The following OSBPL3 variants were observed in gnomAD, a reference collection of about 807,000 sequenced individuals.
OSBPL3 encodes oxysterol binding protein like 3, also known as oxysterol-binding protein-related protein 3.
A neutral mutation model predicts 120.1 loss-of-function variants in OSBPL3; 65 were observed. The ratio of observed to expected loss-of-function variants is 0.54; its 90% CI spans 0.44 to 0.67. OSBPL3 has a LOEUF of 0.67. Among genes scored for constraint, OSBPL3 ranks in the 30% least tolerant of loss-of-function variants. The pLI is 0.00. For synonymous variants in OSBPL3, 416 were observed against 402.6 expected, an observed-to-expected ratio of 1.03 and a Z score of -0.40; for missense variants, 1,004 against 1,082.1, an observed-to-expected ratio of 0.93 and a Z score of 1.01.
chr7:24,890,930 T>C (rs893956870), intron 2 of OSBPL3, among the ~76,000 whole-genome samples: 1 of 152,240 alleles, frequency 6.6e-6, no homozygotes, highest in Admixed American at 6.5e-5. Context: ...GAGAATTTCA[T>C]TGTACTGTTC....
In OSBPL3 at chr7:24,965,927, G is replaced by A. The variant is rs1241011879; in HGVS notation, c.-150+13959C>T. Among the ~76,000 whole-genome samples the A allele has an allele frequency of 6.6e-6, 1 of 152,190 alleles. No individual in the cohort carries two copies. The highest frequency in any genetic ancestry group is 1.9e-4 in the East Asian group (1 of 5,194). On this transcript the variant is annotated intron_variant, in intron 1 of 22. Coordinates refer to ENST00000313367, the MANE Select transcript of OSBPL3 (RefSeq NM_015550.4). The surrounding 1 kb of genome is among the most constrained non-coding windows in gnomAD (Gnocchi z 4.3). Reference sequence around the variant, plus strand: ...TTAGAACCACTTCCCTCAAGGGTGTGTCCCATTCATGTGGCCCCACCCCTC... The same window carrying A: ...TTAGAACCACTTCCCTCAAGGGTGTATCCCATTCATGTGGCCCCACCCCTC...
chr7:24,846,209 T>C (rs1222662600), intron 12 of OSBPL3, among the ~76,000 whole-genome samples: 1 of 152,206 alleles, frequency 6.6e-6, no homozygotes, highest in African/African-American at 2.4e-5. Flanking sequence ...GAGTGTTTTA[T>C]TTTCTGGCTT....
rs188749697 is a variant in OSBPL3, at chr7:24,952,916, C to G, written c.-150+26970G>C. Among the ~76,000 whole-genome samples the G allele has an allele frequency of 2.0e-5, 3 of 152,162 alleles. No homozygotes were observed. In the East Asian group the frequency reaches 5.8e-4, roughly 29 times the overall value. On this transcript the variant is annotated intron_variant, in intron 1 of 22. Transcript: ENST00000313367. This position sits in a 1 kb window ranked among gnomAD's most constrained non-coding sequence, Gnocchi z 4.4. ...TTTAGGGGGCAGAGGTGGTAGGATC[C>G]CTGGAGCCCAGGAGTTCAAGACCAG...
chr7:24,960,391 A>C (rs150806145), intron 1 of OSBPL3, among the ~76,000 whole-genome samples: 15 of 152,350 alleles, frequency 9.8e-5, no homozygotes, highest in Non-Finnish European at 2.1e-4. Flanking sequence ...AATACTTTGG[A>C]GATTAAAAAT....
Position 24,830,345 on chromosome 7 carries a change from T to G in OSBPL3, c.1884+423A>C, listed in dbSNP as rs993354914. On this transcript the variant is annotated intron_variant, in intron 16 of 22. Transcript: ENST00000313367. The surrounding 1 kb of genome is among the most constrained non-coding windows in gnomAD (Gnocchi z 4.4). ...AATGAATAAATACATGAATGAATGA[T>G]TCCTCTCAAATCAAAATTGAGAATA... 4.6e-5 allele frequency among the ~76,000 whole-genome samples: 7 copies of G among 152,168 alleles called. No homozygotes were observed. Among genetic ancestry groups the G allele is most frequent in the African/African-American group, 1.7e-4 (7 of 41,432 alleles).
intron 1 of OSBPL3, among the ~76,000 whole-genome samples, chr7:24,956,578 C>T (rs1815079085): frequency 6.6e-6 from 1 of 152,188 alleles, no homozygotes; most frequent in Non-Finnish European, 1.5e-5. Flanking sequence ...GCACATGAGG[C>T]ATATATACAT....
chr7:24,844,575 T>C (rs1214735852), intron 12 of OSBPL3, among the ~76,000 whole-genome samples: 1 of 152,226 alleles, frequency 6.6e-6, no homozygotes, highest in African/African-American at 2.4e-5. Flanking sequence ...TTCTGACACA[T>C]TTCTTGTGCA....
rs1212427185 is a variant in OSBPL3 at position 24,964,599 on chromosome 7, T to C, written c.-150+15287A>G. Among the ~76,000 whole-genome samples, 1 of 152,112 alleles carries C rather than the reference T, an allele frequency of 6.6e-6. No homozygotes were observed. Among genetic ancestry groups the C allele is most frequent in the Non-Finnish European group, 1.5e-5 (1 of 68,018 alleles). On this transcript the variant is annotated intron_variant, in intron 1 of 22. Coordinates refer to ENST00000313367, the MANE Select transcript of OSBPL3 (RefSeq NM_015550.4). The surrounding 1 kb of genome is among the most constrained non-coding windows in gnomAD (Gnocchi z 4.2). ...CAGCCAAGAGGAATCTAAGGAGACATGGCAACCAAGATAATGTAGAACCCC... is the reference window on the plus strand; with the variant it reads ...CAGCCAAGAGGAATCTAAGGAGACACGGCAACCAAGATAATGTAGAACCCC...
intron 17 of OSBPL3, 99 bp from the exon 18 acceptor site, chr7:24,816,787 C>G: frequency 1.3e-6 from 1 of 789,972 alleles, no homozygotes; most frequent in Non-Finnish European, 2.2e-6. Flanking sequence ...ATAGTACAAC[C>G]TCTTCACAAT....
At chr7:24,906,330 C>T (rs141002739) in intron 1 of OSBPL3, 2,513 of 247,754 alleles carry the variant, frequency 0.01, 17 homozygotes, top group Non-Finnish European at 0.013. Flanking sequence ...AGGCATCATA[C>T]CAGGGCAAAG....
At chr7:24,893,748 C>CG (rs974586291) in intron 1 of OSBPL3, among the ~76,000 whole-genome samples, 23 of 22,582 alleles carry the variant, frequency 1.0e-3, no homozygotes, top group Admixed American at 4.3e-3. Context: ...GGCGGCGGGG[C>CG]GGGGGGGACG....
At chr7:24,825,287 T>G (rs1269913893) in intron 16 of OSBPL3, among the ~76,000 whole-genome samples, 1 of 152,164 alleles carries the variant, frequency 6.6e-6, no homozygotes, top group South Asian at 2.1e-4. Flanking sequence ...TGGCTGGCTG[T>G]AGAAGGAAGG....
chr7:24,866,005 A>C, intron 6 of OSBPL3, 65 bp downstream of exon 6: 1 of 1,362,588 alleles, frequency 7.3e-7, no homozygotes, highest in African/African-American at 1.4e-5. Flanking sequence ...TCAGCTCCCA[A>C]GACAGGACTC....
chr7:24,958,008 T>C (rs1454195906), intron 1 of OSBPL3, among the ~76,000 whole-genome samples: 1 of 152,174 alleles, frequency 6.6e-6, no homozygotes, highest in Admixed American at 6.5e-5. Flanking sequence ...CTTAACATTC[T>C]CCCACATTTA....
intron 1 of OSBPL3, among the ~76,000 whole-genome samples, chr7:24,910,718 A>T (rs1310021461): frequency 1.3e-5 from 2 of 152,238 alleles, no homozygotes; most frequent in African/African-American, 2.4e-5. Context: ...ATGGGCAGTC[A>T]CAAGGGAAGA....
In OSBPL3 at chr7:24,903,979, T is replaced by A. The variant is rs572289791; in HGVS notation, c.-149-11358A>T. 8.6e-5 allele frequency among the ~76,000 whole-genome samples: 13 copies of A among 151,246 alleles called. No individual in the cohort carries two copies. The East Asian group carries it at 2.5e-3, about 29-fold the overall frequency. ...CTCACTGCAACCTCTGCCTCCCAGGTTCAAGCAATTCTCATGTCTCAGCCT... is the reference window on the plus strand; with the variant it reads ...CTCACTGCAACCTCTGCCTCCCAGGATCAAGCAATTCTCATGTCTCAGCCT... On this transcript the variant is annotated intron_variant, in intron 1 of 22. Transcript: ENST00000313367.
intron 1 of OSBPL3, among the ~76,000 whole-genome samples, chr7:24,928,205 T>C (rs1224419904): frequency 5.3e-5 from 8 of 151,008 alleles, no homozygotes; most frequent in African/African-American, 1.9e-4. Flanking sequence ...TTTTTTTTTT[T>C]TTTTGAGATG....
intron 15 of OSBPL3, among the ~76,000 whole-genome samples, chr7:24,832,982 C>T (rs1486859866): frequency 6.6e-6 from 1 of 152,204 alleles, no homozygotes; most frequent in African/African-American, 2.4e-5. Context: ...CTCTAAATTG[C>T]CACAGCATGA....
chr7:24,977,821 A>T lies in OSBPL3; in HGVS notation c.-150+2065T>A, dbSNP rs1023805822. Among the ~76,000 whole-genome samples the T allele has an allele frequency of 3.9e-5, 6 of 152,228 alleles. No individual in the cohort carries two copies. In the South Asian group the frequency reaches 1.2e-3, roughly 32 times the overall value. ...CAGTGAGCCGAGATCGCGCCACTGT[A>T]CTCCAGCCTGGGCGACAGCGTGAGA... On this transcript the variant is annotated intron_variant, in intron 1 of 22. Coordinates refer to ENST00000313367, the MANE Select transcript of OSBPL3 (RefSeq NM_015550.4).
Sources: gnomAD v4.1 joint callset for allele counts (sites outside exome capture counted in the v4.1 genomes callset) on GRCh38, gnomAD v4.1.1 for gene constraint, Gnocchi (gnomAD v3.1) non-coding constraint, MANE v1.5 for transcripts, NCBI Gene and HGNC (gene_info 2026-07-23, HGNC 2026-07-21) for gene names.